Variants in CIMAP3 observed in about 807,000 individuals in gnomAD.
CIMAP3 encodes the protein ciliary microtubule associated protein 3.
At chr1:111,338,813 C>T in the CIMAP3 span, among the ~76,000 whole-genome samples, 1 of 152,014 alleles carries the variant, frequency 6.6e-6, no homozygotes, top group African/African-American at 2.4e-5. Context: ...GAAACTATTC[C>T]AATCAATAGA....
chr1:111,325,728 A>G, the CIMAP3 span, among the ~76,000 whole-genome samples: 16 of 152,228 alleles, frequency 1.1e-4, no homozygotes, highest in African/African-American at 3.6e-4. Context: ...AGATGTAACT[A>G]CTTTAGAGAC....
chr1:111,325,815 T>C, the CIMAP3 span, among the ~76,000 whole-genome samples: 79 of 152,264 alleles, frequency 5.2e-4, no homozygotes, highest in African/African-American at 1.9e-3. Context: ...AGTCCTTTCA[T>C]ACAAGCAGTT....
At chr1:111,348,479 T>C in the CIMAP3 span, 1 of 1,555,934 alleles carries the variant, frequency 6.4e-7, no homozygotes. Flanking sequence ...TATATACATA[T>C]CACTCTGTAA....
the CIMAP3 span, among the ~76,000 whole-genome samples, chr1:111,335,248 G>C: frequency 1.3e-5 from 2 of 152,016 alleles, no homozygotes; most frequent in African/African-American, 4.8e-5. Context: ...AACAGCTCCG[G>C]TCTACAGCTC....
chr1:111,325,712 A>G, the CIMAP3 span, among the ~76,000 whole-genome samples: 1 of 152,214 alleles, frequency 6.6e-6, no homozygotes, highest in Non-Finnish European at 1.5e-5. Flanking sequence ...CAGTACATAA[A>G]TGTTTAGATG....
the CIMAP3 span, among the ~76,000 whole-genome samples, chr1:111,345,082 A>G: frequency 6.6e-6 from 1 of 152,222 alleles, no homozygotes; most frequent in African/African-American, 2.4e-5. Flanking sequence ...AGTAGGCTAT[A>G]CCATCTAGGT....
At chr1:111,338,630 T>C in the CIMAP3 span, among the ~76,000 whole-genome samples, 1 of 152,058 alleles carries the variant, frequency 6.6e-6, no homozygotes. Flanking sequence ...CCTCGACACA[T>C]ACACTCTCCC....
At chr1:111,344,345 C>T in the CIMAP3 span, among the ~76,000 whole-genome samples, 3 of 152,226 alleles carry the variant, frequency 2.0e-5, no homozygotes, top group South Asian at 2.1e-4. Context: ...ACTGTGTTTT[C>T]CAGTTTCCCC....
At chr1:111,347,384 C>T in the CIMAP3 span, among the ~76,000 whole-genome samples, 1 of 152,190 alleles carries the variant, frequency 6.6e-6, no homozygotes, top group South Asian at 2.1e-4. Flanking sequence ...AAGTTCAGCT[C>T]TGTGGGGCTC....
chr1:111,336,629 G>A, the CIMAP3 span, among the ~76,000 whole-genome samples: 1,203 of 152,310 alleles, frequency 7.9e-3, 16 homozygotes, highest in African/African-American at 0.027. Flanking sequence ...GAAATGAAGT[G>A]AGAAGGGACG....
the CIMAP3 span, chr1:111,347,823 A>T: frequency 1.6e-6 from 2 of 1,274,028 alleles, no homozygotes; most frequent in Non-Finnish European, 1.1e-6. Context: ...GCATTTGCAC[A>T]GGAGTGCAAA....
chr1:111,347,886 A>G, the CIMAP3 span: 1 of 737,564 alleles, frequency 1.4e-6, no homozygotes, highest in Non-Finnish European at 2.3e-6. Context: ...GAAATTAAAG[A>G]AAAGTAGGCA....
At chr1:111,334,711 A>T in the CIMAP3 span, among the ~76,000 whole-genome samples, 1 of 152,244 alleles carries the variant, frequency 6.6e-6, no homozygotes, top group African/African-American at 2.4e-5. Flanking sequence ...GATAATTTTT[A>T]AAAATTTTTA....
At chr1:111,351,628 C>T in the CIMAP3 span, 1 of 236,430 alleles carries the variant, frequency 4.2e-6, no homozygotes, top group Non-Finnish European at 8.2e-6. Flanking sequence ...GTTCTAATTC[C>T]CAGGAGCCAA....
At chr1:111,335,622 T>G in the CIMAP3 span, among the ~76,000 whole-genome samples, 4 of 152,176 alleles carry the variant, frequency 2.6e-5, no homozygotes, top group Non-Finnish European at 1.5e-5. Context: ...GACATCAAAC[T>G]GCAAGGGGGC....
At chr1:111,332,872 T>A in the CIMAP3 span, among the ~76,000 whole-genome samples, 1 of 152,140 alleles carries the variant, frequency 6.6e-6, no homozygotes, top group Non-Finnish European at 1.5e-5. Context: ...GGGCGGCCTG[T>A]GAATTTCTCA....
At chr1:111,327,149 A>G in the CIMAP3 span, among the ~76,000 whole-genome samples, 1 of 152,272 alleles carries the variant, frequency 6.6e-6, no homozygotes, top group Admixed American at 6.5e-5. Context: ...TCTTAGCCAT[A>G]AAGTCTTTGC....
the CIMAP3 span, among the ~76,000 whole-genome samples, chr1:111,342,019 TAAC>T: frequency 0.077 from 11,669 of 152,090 alleles, 548 homozygotes; most frequent in African/African-American, 0.13. Flanking sequence ...AAAGAAATAA[TAAC>T]AGAAAACTTT....
the CIMAP3 span, among the ~76,000 whole-genome samples, chr1:111,337,073 C>G: frequency 6.6e-6 from 1 of 152,114 alleles, no homozygotes; most frequent in African/African-American, 2.4e-5. Flanking sequence ...ATTTTCAACC[C>G]AGAATTTCAT....
Sources: gnomAD v4.1 joint callset for allele counts (sites outside exome capture counted in the v4.1 genomes callset) on GRCh38, gnomAD v4.1.1 for gene constraint, MANE v1.5 for transcripts, NCBI Gene and HGNC (gene_info 2026-07-23, HGNC 2026-07-21) for gene names.